BFAR: variants seen among roughly 807,000 people sequenced by gnomAD.
The protein encoded by BFAR is RING finger protein 47.
In BFAR, 52 loss-of-function variants were observed where a neutral mutation model predicts 54.4. The ratio of observed to expected loss-of-function variants is 0.96; its 90% confidence interval spans 0.77 to 1.21. The LOEUF (loss-of-function observed/expected upper bound fraction) is 1.21, where lower values mean the gene tolerates loss of function less well. BFAR is among the 50% of genes most tolerant of loss of function. BFAR has a pLI of 0.00. For synonymous variants in BFAR, 215 were observed against 204.3 expected, an observed-to-expected ratio of 1.05 and a Z score of -0.45; for missense variants, 571 against 534.0, an observed-to-expected ratio of 1.07 and a Z score of -0.68.
intron 2 of BFAR, among the ~76,000 whole-genome samples, chr16:14,645,432 A>T (rs1334291991): frequency 6.6e-6 from 1 of 152,200 alleles, no homozygotes; most frequent in Non-Finnish European, 1.5e-5. Flanking sequence ...ACATTAATAG[A>T]GTTTCTCATG....
In BFAR at chr16:14,637,361, AT is replaced by A. The variant is rs56024170; in HGVS notation, c.-74+4354del. Among the ~76,000 whole-genome samples, 401 of 148,888 alleles carry A rather than the reference AT, an allele frequency of 2.7e-3. 2 individuals carry two copies. The highest frequency in any genetic ancestry group is 8.7e-3 in the African/African-American group (353 of 40,594). ...AAGACAGGCTTTAAGTCAGACCATG[AT>A]TTTTTTTTTTCTTTTGGTGTTTCCG... On this transcript the variant is annotated intron_variant, in intron 1 of 7. Coordinates refer to ENST00000261658, the MANE Select transcript of BFAR (RefSeq NM_016561.3).
intron 7 of BFAR, among the ~76,000 whole-genome samples, chr16:14,665,384 G>A (rs1036646019): frequency 4.6e-5 from 7 of 152,128 alleles, no homozygotes; most frequent in African/African-American, 1.2e-4. Flanking sequence ...AATAGAAAAG[G>A]GTCTGTTTTA....
At chr16:14,654,723 G>A (rs1213122046) in intron 4 of BFAR, among the ~76,000 whole-genome samples, 1 of 151,982 alleles carries the variant, frequency 6.6e-6, no homozygotes. Context: ...TTAAACACCT[G>A]ATTTCAAGTG....
intron 1 of BFAR, among the ~76,000 whole-genome samples, chr16:14,642,112 C>T (rs1168117216): frequency 6.6e-6 from 1 of 152,186 alleles, no homozygotes; most frequent in Non-Finnish European, 1.5e-5. Flanking sequence ...ACTGTGCCTC[C>T]AGAGCATGAA....
chr16:14,651,654 A>G (rs1247745920), intron 4 of BFAR, among the ~76,000 whole-genome samples: 2 of 151,744 alleles, frequency 1.3e-5, no homozygotes, highest in Non-Finnish European at 2.9e-5. Context: ...TAATTTTTGT[A>G]TTTTTAATAG....
intron 4 of BFAR, among the ~76,000 whole-genome samples, chr16:14,654,295 G>T (rs1333716213): frequency 1.3e-5 from 2 of 151,794 alleles, no homozygotes; most frequent in African/African-American, 4.8e-5. Context: ...TCTTAATGTT[G>T]TAATGTTTTA....
chr16:14,635,931 A>G (rs1235219238), intron 1 of BFAR, among the ~76,000 whole-genome samples: 1 of 152,126 alleles, frequency 6.6e-6, no homozygotes, highest in Non-Finnish European at 1.5e-5. Context: ...CCCCGGCCTA[A>G]TGCTTCTCTT....
At chr16:14,665,101 G>A in intron 7 of BFAR, 30 bp downstream of exon 7, 1 of 1,562,564 alleles carries the variant, frequency 6.4e-7, no homozygotes, top group African/African-American at 1.4e-5. Flanking sequence ...TGTCACAACA[G>A]GGGATGGGAA....
chr16:14,667,212 A>T (rs534661774), intron 7 of BFAR: 2 of 155,224 alleles, frequency 1.3e-5, no homozygotes, highest in African/African-American at 4.8e-5. Flanking sequence ...AATTAGCCAG[A>T]TGTGGTGATG....
At chr16:14,646,700 G>A (rs1479176972) in intron 2 of BFAR, among the ~76,000 whole-genome samples, 1 of 146,722 alleles carries the variant, frequency 6.8e-6, no homozygotes, top group Non-Finnish European at 1.5e-5. Context: ...GTTTCTCCAT[G>A]TTGGTCAGGC....
chr16:14,647,054 G>A (rs1042467376), intron 2 of BFAR, among the ~76,000 whole-genome samples: 3 of 152,008 alleles, frequency 2.0e-5, no homozygotes, highest in Non-Finnish European at 4.4e-5. Flanking sequence ...TGAGATTACA[G>A]GCGTGAGCCA....
At chr16:14,643,897 C>G (rs538682898) in intron 1 of BFAR, 1 of 154,532 alleles carries the variant, frequency 6.5e-6, no homozygotes, top group South Asian at 2.0e-4. Context: ...CACAGTGGCT[C>G]ATGCCTGTAA....
chr16:14,658,105 G>T (rs1362047629), intron 5 of BFAR, among the ~76,000 whole-genome samples: 1 of 152,112 alleles, frequency 6.6e-6, no homozygotes, highest in Non-Finnish European at 1.5e-5. Flanking sequence ...AGGTTTAATA[G>T]GCAAAAGTAA....
At chr16:14,656,821 G>A (rs1960142511) in intron 5 of BFAR, among the ~76,000 whole-genome samples, 1 of 151,514 alleles carries the variant, frequency 6.6e-6, no homozygotes, top group Admixed American at 6.6e-5. Context: ...ACAAAGTCCT[G>A]TAATCCATAA....
At chr16:14,665,651 T>A (rs115236585) in intron 7 of BFAR, among the ~76,000 whole-genome samples, 7,491 of 152,130 alleles carry the variant, frequency 0.049, 200 homozygotes, top group African/African-American at 0.054. Context: ...CTATGGTAAG[T>A]AAGAGAACAT....
chr16:14,648,793 T>C (rs1959880383), intron 3 of BFAR, among the ~76,000 whole-genome samples: 1 of 152,144 alleles, frequency 6.6e-6, no homozygotes, highest in South Asian at 2.1e-4. Context: ...TCATAGTACC[T>C]AGTAAATGGA....
chr16:14,648,180 A>G (rs2151838788), intron 2 of BFAR, among the ~76,000 whole-genome samples: 1 of 152,230 alleles, frequency 6.6e-6, no homozygotes, highest in South Asian at 2.1e-4. Flanking sequence ...ACTCCGTCTC[A>G]AAAAAACAAA....
intron 4 of BFAR, among the ~76,000 whole-genome samples, chr16:14,652,980 ACT>A (rs1464094350): frequency 9.2e-5 from 14 of 151,718 alleles, no homozygotes; most frequent in Admixed American, 3.9e-4. Flanking sequence ...CACTTGACTG[ACT>A]CTGTTTTGAG....
intron 2 of BFAR, among the ~76,000 whole-genome samples, chr16:14,645,924 A>G (rs865880866): frequency 2.0e-5 from 3 of 152,160 alleles, no homozygotes; most frequent in Non-Finnish European, 4.4e-5. Context: ...GCTGGAGTGC[A>G]GTGGTACGAC....
Sources: gnomAD v4.1 joint callset for allele counts (sites outside exome capture counted in the v4.1 genomes callset) on GRCh38, gnomAD v4.1.1 for gene constraint, MANE v1.5 for transcripts, NCBI Gene and HGNC (gene_info 2026-07-23, HGNC 2026-07-21) for gene names.